The following PCDH15 variants were observed in gnomAD, a reference collection of about 807,000 sequenced individuals.
The protein encoded by PCDH15 is protocadherin-15.
A neutral mutation model predicts 178.5 loss-of-function variants in PCDH15; 129 were observed. That is an observed-to-expected ratio of 0.72 (90% CI 0.63 to 0.84). PCDH15 has a LOEUF of 0.84. Among genes scored for constraint, PCDH15 ranks in the 40% least tolerant of loss-of-function variants. PCDH15 has a pLI of 0.00. For synonymous variants in PCDH15, 800 were observed against 732.0 expected (o/e 1.09, Z -1.50); for missense variants, 2,230 against 2,099.9 (o/e 1.06, Z -1.21).
intron 3 of PCDH15, among the ~76,000 whole-genome samples, chr10:54,867,268 G>A (rs375627551): frequency 6.6e-6 from 1 of 152,204 alleles, no homozygotes; most frequent in East Asian, 1.9e-4. Context: ...TTTGAACTGT[G>A]ATCTCTCCAA....
chr10:55,139,405 T>G (rs1247815913), intron 2 of PCDH15, among the ~76,000 whole-genome samples: 2 of 152,020 alleles, frequency 1.3e-5, no homozygotes, highest in African/African-American at 2.4e-5. Context: ...CTTAAAGTCT[T>G]ATAGTTTTGT....
chr10:55,288,190 G>A (rs565833176), intron 1 of PCDH15, among the ~76,000 whole-genome samples: 5 of 149,510 alleles, frequency 3.3e-5, no homozygotes, highest in South Asian at 2.1e-4. Flanking sequence ...ATAGAGTAAC[G>A]GCACACGTAG....
Position 53,959,772 on chromosome 10 carries a change from G to T in PCDH15, c.3082C>A (p.His1028Asn). The change falls in exon 23 of 38, where the codon CAT (histidine) becomes AAT (asparagine). Residue 1028 changes from histidine (H) to asparagine (N), a missense_variant. His to Asn is a moderately conservative substitution (Grantham distance 68). Transcript: ENST00000644397. ...SSATVKILVL[H>N]PGEIPRFTQE... is the part of the protein sequence containing the mutation. ...GTGAAGCGTGGGATCTCACCAGGAT[G>T]TAAGACAAGAATCTTCACTGTGGCA... The T allele has an allele frequency of 6.2e-7, 1 of 1,614,010 alleles. No homozygotes were observed. Among genetic ancestry groups the T allele is most frequent in the Non-Finnish European group, 8.5e-7 (1 of 1,179,926 alleles).
At chr10:55,289,901 A>G (rs902251793) in intron 1 of PCDH15, among the ~76,000 whole-genome samples, 4 of 151,900 alleles carry the variant, frequency 2.6e-5, no homozygotes, top group African/African-American at 7.3e-5. Flanking sequence ...AGTTTTCTTG[A>G]GAGTGGGTTG....
intron 6 of PCDH15, among the ~76,000 whole-genome samples, chr10:54,341,037 G>T (rs1942128754): frequency 6.6e-6 from 1 of 152,044 alleles, no homozygotes; most frequent in Non-Finnish European, 1.5e-5. Flanking sequence ...TCTATCTATT[G>T]GGAGACTATA....
intron 2 of PCDH15, among the ~76,000 whole-genome samples, chr10:54,960,803 A>C (rs537821870): frequency 3.3e-5 from 5 of 152,332 alleles, no homozygotes; most frequent in Middle Eastern, 3.4e-3. Context: ...AGATACATTG[A>C]GCCAATTTTC....
intron 2 of PCDH15, among the ~76,000 whole-genome samples, chr10:55,585,053 A>G (rs1842698470): frequency 6.6e-6 from 1 of 151,192 alleles, no homozygotes; most frequent in Non-Finnish European, 1.5e-5. Context: ...CTATATTATT[A>G]ATACTATATA....
intron 1 of PCDH15, among the ~76,000 whole-genome samples, chr10:54,768,061 C>A (rs1948710880): frequency 1.3e-5 from 2 of 152,064 alleles, no homozygotes; most frequent in African/African-American, 4.8e-5. Flanking sequence ...CGGGGATTTT[C>A]TGTACAATCT....
At chr10:54,511,624 G>A (rs1364720404) in intron 3 of PCDH15, among the ~76,000 whole-genome samples, 1 of 152,110 alleles carries the variant, frequency 6.6e-6, no homozygotes. Context: ...ATGCATTTGG[G>A]TGATCACATT....
intron 1 of PCDH15, among the ~76,000 whole-genome samples, chr10:55,230,525 C>T (rs1343394263): frequency 2.0e-5 from 3 of 151,954 alleles, no homozygotes; most frequent in Non-Finnish European, 2.9e-5. Flanking sequence ...CAGGGTGCCA[C>T]ACATGCATTG....
At chr10:54,192,154 AAAAGAAAG>A (rs141596947) in intron 11 of PCDH15, among the ~76,000 whole-genome samples, 15 of 132,566 alleles carry the variant, frequency 1.1e-4, no homozygotes, top group East Asian at 4.2e-4. Flanking sequence ...GAAAGAAAGA[AAAAGAAAG>A]AAAGAAAGAA....
At chr10:55,597,289 C>G (rs116558156) in intron 2 of PCDH15, 1 of 152,136 alleles carries the variant, frequency 6.6e-6, no homozygotes, top group Non-Finnish European at 1.5e-5. Flanking sequence ...CGCACACGTA[C>G]GTTCACGCAG....
intron 13 of PCDH15, among the ~76,000 whole-genome samples, chr10:54,158,916 G>A (rs1391167476): frequency 6.6e-6 from 1 of 151,948 alleles, no homozygotes; most frequent in Non-Finnish European, 1.5e-5. Flanking sequence ...AATCATCCTG[G>A]CTAACACGGT....
At chr10:55,301,448 T>A (rs996578792) in intron 1 of PCDH15, among the ~76,000 whole-genome samples, 2 of 151,808 alleles carry the variant, frequency 1.3e-5, no homozygotes, top group Non-Finnish European at 2.9e-5. Context: ...TTCTAATTGT[T>A]TTTTTTTTCT....
intron 9 of PCDH15, among the ~76,000 whole-genome samples, chr10:54,235,333 T>C (rs1206682550): frequency 6.6e-6 from 1 of 152,324 alleles, no homozygotes; most frequent in African/African-American, 2.4e-5. Context: ...GTGATAGGGG[T>C]TGCTTCACAG....
At chr10:54,418,049 CAG>C (rs1042779232) in intron 3 of PCDH15, among the ~76,000 whole-genome samples, 1 of 152,152 alleles carries the variant, frequency 6.6e-6, no homozygotes, top group African/African-American at 2.4e-5. Flanking sequence ...GCTGGAATTG[CAG>C]GTGCCCAGCC....
intron 13 of PCDH15, among the ~76,000 whole-genome samples, chr10:54,178,953 C>A (rs1008114249): frequency 6.6e-6 from 1 of 152,100 alleles, no homozygotes; most frequent in Non-Finnish European, 1.5e-5. Context: ...AATAGGAACA[C>A]TTTTACACTG....
intron 18 of PCDH15, among the ~76,000 whole-genome samples, chr10:54,037,455 AAAGATT>A (rs1210734917): frequency 6.6e-6 from 1 of 151,982 alleles, no homozygotes; most frequent in East Asian, 1.9e-4. Flanking sequence ...CTATCTGTAT[AAAGATT>A]AAGACTTGCT....
At chr10:54,568,506 A>G (rs2089349107) in intron 2 of PCDH15, 1 of 152,108 alleles carries the variant, frequency 6.6e-6, no homozygotes, top group Non-Finnish European at 1.5e-5. Context: ...TTTCTATTTT[A>G]TTGTGGTATA....
Sources: allele counts gnomAD v4.1 joint callset (sites outside exome capture counted in the v4.1 genomes callset), GRCh38; gene constraint gnomAD v4.1.1; transcripts MANE v1.5; gene names NCBI Gene and HGNC (gene_info 2026-07-23, HGNC 2026-07-21).